The following LRRC7 variants were observed in gnomAD, a reference collection of about 807,000 sequenced individuals.
LRRC7 encodes the protein leucine rich repeat containing 7.
LRRC7 carries 23 observed loss-of-function variants against 175.7 expected under a neutral mutation model. The ratio of observed to expected loss-of-function variants is 0.13; its 90% CI spans 0.09 to 0.19. LRRC7 has a LOEUF of 0.19. Ranked by LOEUF, LRRC7 falls within the 10% of genes least tolerant of loss-of-function variation. The pLI, the probability that LRRC7 is intolerant of heterozygous loss-of-function variation, is 1.00. For synonymous variants in LRRC7, 685 were observed against 680.9 expected (o/e 1.01, Z -0.09); for missense variants, 1,354 against 1,904.7 (o/e 0.71, Z 5.38).
chr1:69,871,824 A>C (rs2101581539), intron 7 of LRRC7, among the ~76,000 whole-genome samples: 1 of 152,136 alleles, frequency 6.6e-6, no homozygotes, highest in African/African-American at 2.4e-5. Context: ...CATGAAGCTA[A>C]GTAATTTTTG....
chr1:69,627,502 T>A (rs1477014385), intron 1 of LRRC7, among the ~76,000 whole-genome samples: 1 of 152,086 alleles, frequency 6.6e-6, no homozygotes, highest in Non-Finnish European at 1.5e-5. Context: ...AGATTGCAAA[T>A]ATTTTCTCCC....
chr1:69,985,958 G>A (rs1196241352), intron 9 of LRRC7, among the ~76,000 whole-genome samples: 1 of 152,078 alleles, frequency 6.6e-6, no homozygotes, highest in Admixed American at 6.5e-5. Context: ...AAGTTTTTGT[G>A]TGTACATATG....
At chr1:69,943,308 G>A (rs975189112) in intron 8 of LRRC7, among the ~76,000 whole-genome samples, 6 of 152,048 alleles carry the variant, frequency 3.9e-5, no homozygotes, top group African/African-American at 7.2e-5. Context: ...GTGCTACAAC[G>A]TGGTTAAACC....
chr1:69,744,394 G>A (rs750864982), intron 2 of LRRC7, among the ~76,000 whole-genome samples: 34 of 151,782 alleles, frequency 2.2e-4, no homozygotes, highest in Non-Finnish European at 4.1e-4. Flanking sequence ...GGTTAGATTT[G>A]GCTCTTGGTT....
intron 7 of LRRC7, among the ~76,000 whole-genome samples, chr1:69,912,594 T>A (rs1461463261): frequency 6.6e-6 from 1 of 152,176 alleles, no homozygotes; most frequent in Non-Finnish European, 1.5e-5. Context: ...ATAGGGCACC[T>A]TTTCCCTCAC....
chr1:69,812,791 T>A (rs375826384), intron 4 of LRRC7, among the ~76,000 whole-genome samples: 1 of 152,128 alleles, frequency 6.6e-6, no homozygotes, highest in Admixed American at 6.6e-5. Flanking sequence ...CAAAAATTTA[T>A]AAGAAACAAT....
At position 70,053,132 on chromosome 1, in the gene LRRC7, C is replaced by T; in HGVS notation, c.4217C>T (p.Thr1406Ile). 2 of 1,606,406 alleles carry T rather than the reference C, an allele frequency of 1.2e-6. No homozygotes were observed. Among genetic ancestry groups the T allele is most frequent in the Non-Finnish European group, 8.5e-7 (1 of 1,176,268 alleles). Residue 1406 changes from threonine (T) to isoleucine (I), a missense_variant, in exon 23 of 27, where the codon ACC becomes ATC. By Grantham distance (89) the Thr-to-Ile change is moderately conservative. Coordinates refer to ENST00000651989, the MANE Select transcript of LRRC7 (RefSeq NM_001370785.2). ...PLGRRDVPPD[T>I]ITKKAGSHIQ... Reference sequence around the variant, plus strand: ...GGGAGGCGGGATGTACCTCCGGACACCATTACTAAGAAGGTAACCAATTTT... The same window carrying T: ...GGGAGGCGGGATGTACCTCCGGACATCATTACTAAGAAGGTAACCAATTTT...
intron 3 of LRRC7, among the ~76,000 whole-genome samples, chr1:69,769,940 A>G (rs1288590895): frequency 6.6e-6 from 1 of 152,148 alleles, no homozygotes; most frequent in African/African-American, 2.4e-5. Flanking sequence ...ATGAACACTT[A>G]CTAGAAAGAT....
chr1:69,778,841 G>T (rs551225849), intron 3 of LRRC7, among the ~76,000 whole-genome samples: 5 of 151,582 alleles, frequency 3.3e-5, no homozygotes, highest in Non-Finnish European at 2.9e-5. Flanking sequence ...ACTCATGACT[G>T]ATCAGGGCAT....
At chr1:69,961,686 C>G (rs1028991675) in intron 8 of LRRC7, among the ~76,000 whole-genome samples, 1 of 152,082 alleles carries the variant, frequency 6.6e-6, no homozygotes, top group Non-Finnish European at 1.5e-5. Flanking sequence ...GACTGCACAC[C>G]TTCAATTATC....
intron 7 of LRRC7, among the ~76,000 whole-genome samples, chr1:69,842,294 T>A (rs1476096984): frequency 6.6e-6 from 1 of 152,082 alleles, no homozygotes; most frequent in Admixed American, 6.6e-5. Flanking sequence ...CTGTTCCATG[T>A]GTGTGAGAAG....
In LRRC7 at chr1:70,126,340, T is replaced by C. The variant is rs1571391836; in HGVS notation, c.*4453T>C. Among the ~76,000 whole-genome samples the C allele has an allele frequency of 1.3e-5, 2 of 151,854 alleles. No homozygotes were observed. The highest frequency in any genetic ancestry group is 3.9e-4 in the East Asian group (2 of 5,178). The stretch of plus-strand genomic sequence containing the variant: ...AAATCCAATAGGTTAAGAAGATGGG[T>C]CCTTTATCTAGTATAAAGAAAAGCG... On this transcript the variant is annotated 3_prime_UTR_variant, in exon 27 of 27. Transcript: ENST00000651989.
intron 8 of LRRC7, among the ~76,000 whole-genome samples, chr1:69,971,912 A>T (rs1408434724): frequency 2.6e-5 from 4 of 152,246 alleles, no homozygotes; most frequent in African/African-American, 9.6e-5. Flanking sequence ...TGGTACTGGC[A>T]TAAAAATAAG....
chr1:70,105,309 T>C (rs906419394), intron 25 of LRRC7, among the ~76,000 whole-genome samples: 1 of 152,210 alleles, frequency 6.6e-6, no homozygotes, highest in Non-Finnish European at 1.5e-5. Flanking sequence ...GCATCACTCC[T>C]GAGTGCCACC....
chr1:70,080,703 A>C (rs761401082), intron 24 of LRRC7, among the ~76,000 whole-genome samples: 1 of 152,216 alleles, frequency 6.6e-6, no homozygotes, highest in Non-Finnish European at 1.5e-5. Flanking sequence ...TGCAGCAAAA[A>C]CCATGTGCAT....
intron 17 of LRRC7, 123 bp downstream of exon 17, chr1:70,023,497 T>C (rs1657740254): frequency 9.6e-7 from 1 of 1,045,912 alleles, no homozygotes; most frequent in East Asian, 2.9e-5. Context: ...AACCTTCAAA[T>C]TGCCAGTGTT....
At chr1:69,905,070 A>G (rs143164427) in intron 7 of LRRC7, among the ~76,000 whole-genome samples, 3 of 152,240 alleles carry the variant, frequency 2.0e-5, no homozygotes, top group East Asian at 1.9e-4. Flanking sequence ...ACTTTATTCT[A>G]TCTACCATTG....
At chr1:69,772,709 G>A (rs1672373265) in intron 3 of LRRC7, among the ~76,000 whole-genome samples, 2 of 152,244 alleles carry the variant, frequency 1.3e-5, no homozygotes, top group South Asian at 2.1e-4. Context: ...TGTTTTGTAG[G>A]CAAAGTTAAC....
At chr1:69,853,270 CTT>C (rs1163071175) in intron 7 of LRRC7, among the ~76,000 whole-genome samples, 2 of 88,016 alleles carry the variant, frequency 2.3e-5, no homozygotes, top group Admixed American at 2.3e-4. Flanking sequence ...TCCTTTCTTT[CTT>C]TTTTTTTTTT....
Sources: allele counts gnomAD v4.1 joint callset (sites outside exome capture counted in the v4.1 genomes callset), GRCh38; gene constraint gnomAD v4.1.1; transcripts MANE v1.5; gene names NCBI Gene and HGNC (gene_info 2026-07-23, HGNC 2026-07-21).